The following SORCS1 variants were observed in gnomAD, a reference collection of about 807,000 sequenced individuals.
SORCS1 encodes the protein VPS10 domain-containing receptor SorCS1.
Under a neutral mutation model 146.1 loss-of-function variants are expected in SORCS1, and 60 were observed. That is an observed-to-expected ratio of 0.41 (90% CI 0.33 to 0.51). The LOEUF (loss-of-function observed/expected upper bound fraction) is 0.51, where lower values mean the gene tolerates loss of function less well. Ranked by LOEUF, SORCS1 falls within the 20% of genes least tolerant of loss-of-function variation. SORCS1 has a pLI of 0.21. For missense variants in SORCS1, 1,352 were observed against 1,487.6 expected (o/e 0.91, Z 1.50); for synonymous variants, 637 against 584.0 (o/e 1.09, Z -1.31).
intron 2 of SORCS1, among the ~76,000 whole-genome samples, chr10:106,860,368 C>T (rs1949963239): frequency 6.6e-6 from 1 of 152,222 alleles, no homozygotes; most frequent in Non-Finnish European, 1.5e-5. Flanking sequence ...CTTCATCACA[C>T]TGGGGTCAAA....
chr10:106,588,908 G>T (rs993737535), intron 24 of SORCS1, among the ~76,000 whole-genome samples: 4 of 149,460 alleles, frequency 2.7e-5, no homozygotes, highest in African/African-American at 9.9e-5. Context: ...CCTATTCCTG[G>T]CTCCTTGGGA....
intron 23 of SORCS1, among the ~76,000 whole-genome samples, chr10:106,602,512 A>AAC (rs66699179): frequency 0.53 from 73,468 of 138,634 alleles, 20,444 homozygotes; most frequent in Non-Finnish European, 0.65. Context: ...ATTCCTTCAT[A>AAC]ACACACACAC....
intron 9 of SORCS1, among the ~76,000 whole-genome samples, chr10:106,689,624 A>G (rs1853144845): frequency 6.6e-6 from 1 of 152,210 alleles, no homozygotes; most frequent in South Asian, 2.1e-4. Flanking sequence ...CCAAACGCCA[A>G]GCACTATGTC....
chr10:107,074,230 A>G (rs528743730), intron 1 of SORCS1, among the ~76,000 whole-genome samples: 1 of 152,264 alleles, frequency 6.6e-6, no homozygotes, highest in African/African-American at 2.4e-5. Flanking sequence ...GCAACCACTC[A>G]TCTTTTTACT....
chr10:107,025,007 T>C (rs1027669529), intron 1 of SORCS1, among the ~76,000 whole-genome samples: 2 of 152,188 alleles, frequency 1.3e-5, no homozygotes, highest in African/African-American at 2.4e-5. Context: ...TACTAGAGTG[T>C]TGTGAAGCTG....
chr10:106,840,001 T>C (rs1273917168), intron 2 of SORCS1, among the ~76,000 whole-genome samples: 1 of 152,226 alleles, frequency 6.6e-6, no homozygotes, highest in Admixed American at 6.5e-5. Flanking sequence ...TAGTCATCCA[T>C]GAACTCTGAT....
chr10:106,930,234 A>G (rs1029403071), intron 2 of SORCS1, among the ~76,000 whole-genome samples: 5 of 152,086 alleles, frequency 3.3e-5, no homozygotes, highest in African/African-American at 9.7e-5. Flanking sequence ...GTGAGCCGAG[A>G]TCGTGCCACT....
intron 2 of SORCS1, among the ~76,000 whole-genome samples, chr10:106,842,551 T>A (rs1589527747): frequency 6.6e-6 from 1 of 151,540 alleles, no homozygotes; most frequent in South Asian, 2.1e-4. Context: ...TCATGAGATG[T>A]CTGTTCAGGC....
chr10:106,639,873 C>T (rs529720263), intron 18 of SORCS1, among the ~76,000 whole-genome samples: 219 of 152,144 alleles, frequency 1.4e-3, no homozygotes, highest in Middle Eastern at 3.4e-3. Context: ...CAAAAATTAC[C>T]TGGGTGTGGT....
intron 2 of SORCS1, among the ~76,000 whole-genome samples, chr10:106,843,707 T>A (rs903442362): frequency 6.6e-6 from 1 of 152,200 alleles, no homozygotes; most frequent in African/African-American, 2.4e-5. Context: ...AGTGCTGGGA[T>A]TACAGGCGTG....
intron 2 of SORCS1, among the ~76,000 whole-genome samples, chr10:106,896,428 C>CAAAAAA (rs781084783): frequency 3.5e-5 from 2 of 57,124 alleles, no homozygotes. Context: ...GACTTTGTCT[C>CAAAAAA]AAAAAAAAAA....
At chr10:106,760,702 CACACACTA>C (rs956879635) in intron 5 of SORCS1, among the ~76,000 whole-genome samples, 1 of 120,936 alleles carries the variant, frequency 8.3e-6, no homozygotes, top group African/African-American at 3.6e-5. Context: ...CAAACACACA[CACACACTA>C]ACACACACAC....
chr10:107,167,594 C>A (rs1266531599), upstream of SORCS1, among the ~76,000 whole-genome samples: 2 of 152,104 alleles, frequency 1.3e-5, no homozygotes, highest in African/African-American at 4.8e-5. Flanking sequence ...CTCCAATAGT[C>A]ATCTCCAAAG....
At chr10:106,792,065 T>C (rs889642962) in intron 3 of SORCS1, among the ~76,000 whole-genome samples, 2 of 152,244 alleles carry the variant, frequency 1.3e-5, no homozygotes, top group Non-Finnish European at 2.9e-5. Flanking sequence ...TCTTACTTCA[T>C]AGTCTGTTTA....
intron 23 of SORCS1, among the ~76,000 whole-genome samples, chr10:106,603,322 C>A (rs541391628): frequency 3.9e-5 from 6 of 152,328 alleles, no homozygotes; most frequent in Admixed American, 2.0e-4. Context: ...GCACAAGAGC[C>A]TTTTCTCACT....
chr10:106,790,126 C>T (rs957057116), intron 3 of SORCS1, among the ~76,000 whole-genome samples: 2 of 152,076 alleles, frequency 1.3e-5, no homozygotes. Context: ...AAAGCCTAAC[C>T]ACATCATGGT....
chr10:106,611,884 G>T, intron 22 of SORCS1, 27 bp downstream of exon 22: 1 of 1,529,502 alleles, frequency 6.5e-7, no homozygotes, highest in Non-Finnish European at 9.1e-7. Flanking sequence ...AGGTACCCGG[G>T]CAAGAGAAGA....
intron 1 of SORCS1, among the ~76,000 whole-genome samples, chr10:107,039,131 C>T (rs1230633462): frequency 1.3e-5 from 2 of 151,710 alleles, no homozygotes; most frequent in African/African-American, 4.8e-5. Flanking sequence ...AGATCGAGAC[C>T]ATCCTGGCTA....
chr10:106,818,257 T>C (rs1023151947), intron 3 of SORCS1, among the ~76,000 whole-genome samples: 4 of 152,200 alleles, frequency 2.6e-5, no homozygotes, highest in African/African-American at 7.2e-5. Flanking sequence ...ATATTAATAA[T>C]GTCACCACTG....
Sources: allele counts gnomAD v4.1 joint callset (sites outside exome capture counted in the v4.1 genomes callset), GRCh38; gene constraint gnomAD v4.1.1; transcripts MANE v1.5; gene names NCBI Gene and HGNC (gene_info 2026-07-23, HGNC 2026-07-21).